Variants in PLCZ1 observed in about 807,000 individuals in gnomAD.
PLCZ1 encodes the protein phospholipase C zeta 1.
A neutral mutation model predicts 76.8 loss-of-function variants in PLCZ1; 64 were observed. That is an observed-to-expected ratio of 0.83 (90% CI 0.68 to 1.03). The LOEUF (loss-of-function observed/expected upper bound fraction) is 1.03, where lower values mean the gene tolerates loss of function less well. Ranked by LOEUF, PLCZ1 falls within the 50% of genes least tolerant of loss-of-function variation. The probability of loss-of-function intolerance (pLI) is 0.00; values close to 1 mark genes in which losing one functional copy is unlikely to be tolerated. For missense variants in PLCZ1, 751 were observed against 713.7 expected (o/e 1.05, Z -0.60); for synonymous variants, 248 against 230.8 (o/e 1.07, Z -0.68).
chr12:18,712,695 A>G, intron 6 of PLCZ1, 147 bp downstream of exon 6: 3 of 969,042 alleles, frequency 3.1e-6, no homozygotes, highest in Non-Finnish European at 4.7e-6. Context: ...ACTATATACA[A>G]CATGGATTTC....
At chr12:18,649,918 C>T in the PLCZ1 span, among the ~76,000 whole-genome samples, 3 of 152,054 alleles carry the variant, frequency 2.0e-5, no homozygotes, top group Non-Finnish European at 4.4e-5. Flanking sequence ...GAGCATGCTC[C>T]TCTCCACCAC....
intron 7 of PLCZ1, among the ~76,000 whole-genome samples, chr12:18,704,123 G>T (rs770326475): frequency 6.6e-6 from 1 of 152,152 alleles, no homozygotes; most frequent in Non-Finnish European, 1.5e-5. Context: ...TTCAGGGAAA[G>T]GAAGTGGAGG....
intron 7 of PLCZ1, among the ~76,000 whole-genome samples, chr12:18,704,320 G>C (rs1029194785): frequency 6.6e-6 from 1 of 152,020 alleles, no homozygotes; most frequent in South Asian, 2.1e-4. Context: ...GTGAGAGGGA[G>C]TAATTCCTTT....
At chr12:18,664,945 G>A in the PLCZ1 span, among the ~76,000 whole-genome samples, 1 of 144,484 alleles carries the variant, frequency 6.9e-6, no homozygotes, top group Non-Finnish European at 1.5e-5. Flanking sequence ...CTCATAGGTG[G>A]GAATTGAACA....
At chr12:18,723,001 G>A (rs1021266) in intron 4 of PLCZ1, among the ~76,000 whole-genome samples, 29,444 of 151,594 alleles carry the variant, frequency 0.19, 3,019 homozygotes, top group East Asian at 0.3. Flanking sequence ...TTCTAATAGG[G>A]TACATGTAAT....
intron 3 of PLCZ1, among the ~76,000 whole-genome samples, chr12:18,727,681 C>A (rs1003456512): frequency 6.6e-6 from 1 of 152,114 alleles, no homozygotes; most frequent in African/African-American, 2.4e-5. Flanking sequence ...GAAATTTAGA[C>A]TTCTTTGGAA....
At chr12:18,707,282 T>C (rs1956722361) in intron 6 of PLCZ1, among the ~76,000 whole-genome samples, 1 of 152,108 alleles carries the variant, frequency 6.6e-6, no homozygotes, top group South Asian at 2.1e-4. Context: ...TGAATTAGAG[T>C]GAGTCCACTG....
At chr12:18,718,206 G>A (rs1958198196) in intron 5 of PLCZ1, among the ~76,000 whole-genome samples, 1 of 152,094 alleles carries the variant, frequency 6.6e-6, no homozygotes. Flanking sequence ...TAACCACATT[G>A]TAAGTTGAGA....
intron 12 of PLCZ1, among the ~76,000 whole-genome samples, chr12:18,689,711 A>G (rs1478536083): frequency 1.3e-5 from 2 of 152,172 alleles, no homozygotes; most frequent in Non-Finnish European, 2.9e-5. Flanking sequence ...GGATTTAGAA[A>G]GCAGTCCTGT....
At chr12:18,719,961 G>A (rs1394047577) in intron 4 of PLCZ1, among the ~76,000 whole-genome samples, 1 of 151,958 alleles carries the variant, frequency 6.6e-6, no homozygotes. Flanking sequence ...CACAGGTTGA[G>A]GAACAAAGCA....
chr12:18,650,347 ATGTGTGTGTGTGTGTG>A, the PLCZ1 span, among the ~76,000 whole-genome samples: 1 of 114,544 alleles, frequency 8.7e-6, no homozygotes, highest in African/African-American at 3.3e-5. Flanking sequence ...ATATATATAT[ATGTGTGTGTGTGTGTG>A]TGTGTGTGTG....
the PLCZ1 span, among the ~76,000 whole-genome samples, chr12:18,665,934 C>CAA: frequency 0.027 from 3,481 of 128,334 alleles, 59 homozygotes; most frequent in Middle Eastern, 0.045. Flanking sequence ...GACTCCATCT[C>CAA]AAAAAAAAAA....
intron 11 of PLCZ1, among the ~76,000 whole-genome samples, 186 bp downstream of exon 11, chr12:18,695,964 G>A (rs974643705): frequency 3.9e-5 from 6 of 151,952 alleles, no homozygotes; most frequent in Admixed American, 6.6e-5. Context: ...GATTTACCCC[G>A]CTTCAACCCA....
At chr12:18,732,842 A>G (rs1453683764) in intron 3 of PLCZ1, among the ~76,000 whole-genome samples, 1 of 152,180 alleles carries the variant, frequency 6.6e-6, no homozygotes, top group South Asian at 2.1e-4. Flanking sequence ...TTGTATGTAC[A>G]TACTATATTT....
At chr12:18,661,620 T>C in the PLCZ1 span, among the ~76,000 whole-genome samples, 61 of 152,234 alleles carry the variant, frequency 4.0e-4, no homozygotes, top group African/African-American at 1.4e-3. Flanking sequence ...CCAGTCAGAA[T>C]GGCTATTATT....
intron 3 of PLCZ1, among the ~76,000 whole-genome samples, chr12:18,723,971 A>G (rs996696930): frequency 1.3e-5 from 2 of 152,118 alleles, no homozygotes; most frequent in South Asian, 4.1e-4. Flanking sequence ...TAGTTATGCA[A>G]TACCTTGAGG....
chr12:18,650,740 A>ATATC, the PLCZ1 span, among the ~76,000 whole-genome samples: 1 of 32,332 alleles, frequency 3.1e-5, no homozygotes, highest in Non-Finnish European at 5.1e-5. Flanking sequence ...ATATATATAT[A>ATATC]TATATATATA....
intron 3 of PLCZ1, among the ~76,000 whole-genome samples, chr12:18,729,165 T>C (rs377654694): frequency 4.4e-4 from 67 of 152,234 alleles, no homozygotes; most frequent in African/African-American, 1.5e-3. Flanking sequence ...TTCCATCATC[T>C]GGCTATAACT....
rs945307632 is a variant in PLCZ1 at position 18,737,939 on chromosome 12, G to A, written c.-146C>T. ...ATGCACACAGAGACACACCACTTTC[G>A]AAGAAGACTGTTCAGGAGGCTAAGT... On this transcript the variant is annotated 5_prime_UTR_variant, in exon 1 of 15. Coordinates refer to ENST00000266505, the MANE Select transcript of PLCZ1 (RefSeq NM_033123.4). 19 of 319,532 alleles carry A rather than the reference G, an allele frequency of 5.9e-5. No individual in the cohort carries two copies. The highest frequency in any genetic ancestry group is 2.8e-4 in the African/African-American group (13 of 46,976). 19.8% of individuals were successfully genotyped at this position (319,532 alleles called of 1,614,324 possible).
Sources: gnomAD v4.1 joint callset for allele counts (sites outside exome capture counted in the v4.1 genomes callset) on GRCh38, gnomAD v4.1.1 for gene constraint, MANE v1.5 for transcripts, NCBI Gene and HGNC (gene_info 2026-07-23, HGNC 2026-07-21) for gene names.